Variants in VIT observed in about 807,000 individuals in gnomAD.
The protein encoded by VIT is vitrin.
VIT carries 99 observed loss-of-function variants against 78.0 expected under a neutral mutation model. The observed-to-expected ratio is 1.27, with a 90% confidence interval of 1.08 to 1.50. VIT has a LOEUF of 1.50. VIT is among the 40% of genes most tolerant of loss of function. The pLI, the probability that VIT is intolerant of heterozygous loss-of-function variation, is 0.00. For missense variants in VIT, 1,126 were observed against 875.3 expected (o/e 1.29, Z -3.61); for synonymous variants, 374 against 334.3 (o/e 1.12, Z -1.29).
chr2:36,783,510 C>T, intron 11 of VIT, 108 bp downstream of exon 11: 1 of 1,056,772 alleles, frequency 9.5e-7, no homozygotes, highest in Non-Finnish European at 1.4e-6. Context: ...TACCGTGGAT[C>T]TATTTATCTC....
At chr2:36,750,244 G>A (rs986729791) in intron 4 of VIT, among the ~76,000 whole-genome samples, 8 of 152,196 alleles carry the variant, frequency 5.3e-5, no homozygotes, top group Admixed American at 5.2e-4. Flanking sequence ...CTACGCACAC[G>A]TGTTTGCACA....
At position 36,806,708 on chromosome 2, in the gene VIT, A is replaced by G. The variant is rs140627960; in HGVS notation, c.1389+1044A>G. On this transcript the variant is annotated intron_variant, in intron 14 of 15. Coordinates refer to ENST00000379242, the MANE Select transcript of VIT (RefSeq NM_053276.4). ...ACTACAGGCACACACCACCACGCCC[A>G]GCTAGTTTTTTTATTTTATTTTATT... 4.3e-3 allele frequency among the ~76,000 whole-genome samples: 659 copies of G among 152,074 alleles called. 9 individuals carry two copies. Among genetic ancestry groups the G allele is most frequent in the African/African-American group, 0.015 (639 of 41,486 alleles).
Position 36,783,320 on chromosome 2 carries a change from A to C in VIT, c.848-20A>C. On this transcript the variant is annotated intron_variant, in intron 10 of 15. Transcript: ENST00000379242. The stretch of plus-strand genomic sequence containing the variant: ...CTTCCTTTCCTTGTAAGTCACCAAA[A>C]GTTTTACTGCTCTTTCCAGGACTTG... The C allele has an allele frequency of 9.9e-6, 16 of 1,613,832 alleles. No individual in the cohort carries two copies. Among genetic ancestry groups the C allele is most frequent in the Non-Finnish European group, 1.4e-5 (16 of 1,179,806 alleles).
In VIT at chr2:36,814,351, C is replaced by G. The variant is rs370606511; in HGVS notation, c.2072C>G (p.Pro691Arg). ...QNICTEFNSQ[P>R]RN The stretch of plus-strand genomic sequence containing the variant: ...ATTTGTACAGAGTTCAACTCACAGC[C>G]TCGGAACTGAATTCAGAGCAGGCAG... The change falls in exon 16 of 16, where the codon CCT becomes CGT. Residue 691 changes from proline to arginine, a missense_variant. Pro to Arg is a moderately radical substitution (Grantham distance 103). Transcript: ENST00000379242. 3 of 1,614,032 alleles carry G rather than the reference C, an allele frequency of 1.9e-6. No individual in the cohort carries two copies. The highest frequency in any genetic ancestry group is 1.6e-4 in the Middle Eastern group (1 of 6,084).
In VIT at chr2:36,786,075, G is replaced by C. The variant is rs1665072782; in HGVS notation, c.911-1054G>C. ...GTTGTGTGCAGATTAGAGAGGTGCA[G>C]GTCCGTCTGGCCGCTGCTCCCCACC... On this transcript the variant is annotated intron_variant, in intron 11 of 15. Coordinates refer to ENST00000379242, the MANE Select transcript of VIT (RefSeq NM_053276.4). Among the ~76,000 whole-genome samples the C allele has an allele frequency of 2.6e-5, 4 of 152,296 alleles. No individual in the cohort carries two copies. The South Asian group carries it at 6.2e-4, about 24-fold the overall frequency.
At chr2:36,802,093 G>C (rs990559073) in intron 13 of VIT, among the ~76,000 whole-genome samples, 1 of 152,212 alleles carries the variant, frequency 6.6e-6, no homozygotes, top group Non-Finnish European at 1.5e-5. Flanking sequence ...CATGTTCTCT[G>C]TTTCAAGCTA....
intron 15 of VIT, 79 bp downstream of exon 15, chr2:36,809,064 T>C: frequency 6.7e-7 from 1 of 1,495,318 alleles, no homozygotes; most frequent in Non-Finnish European, 8.9e-7. Flanking sequence ...AGGAAGGTAT[T>C]GTCTTTTTAT....
chr2:36,765,521 C>T (rs760130375), intron 6 of VIT, among the ~76,000 whole-genome samples: 12 of 151,546 alleles, frequency 7.9e-5, no homozygotes, highest in Non-Finnish European at 1.5e-4. Flanking sequence ...TGAGGGACAC[C>T]GCCCCCATGA....
intron 3 of VIT, among the ~76,000 whole-genome samples, chr2:36,739,116 G>C (rs1291582810): frequency 2.0e-5 from 3 of 151,942 alleles, no homozygotes; most frequent in Non-Finnish European, 4.4e-5. Context: ...ACAAAATTAA[G>C]TTTAATATTA....
intron 4 of VIT, among the ~76,000 whole-genome samples, chr2:36,750,448 G>T (rs576468193): frequency 2.6e-5 from 4 of 152,250 alleles, no homozygotes; most frequent in African/African-American, 9.6e-5. Flanking sequence ...GGCACTTGCT[G>T]GGTCTCTCTT....
rs766419529 is a variant in VIT at position 36,801,300 on chromosome 2, G to C, written c.1059-1G>C. 1.2e-6 allele frequency: 2 copies of C among 1,613,474 alleles called. No homozygotes were observed. The highest frequency in any genetic ancestry group is 1.3e-5 in the African/African-American group (1 of 74,880). On this transcript the variant is annotated splice_acceptor_variant, in intron 12 of 15. Transcript: ENST00000379242. LOFTEE classifies it high-confidence loss of function. ...TTGTATTTCTTGTTCTGACTCTTCA[G>C]AGACAACCCTGCTACTCACTTTAAC... is the stretch of plus-strand genomic sequence containing the variant.
At chr2:36,798,984 T>C (rs1666115878) in intron 12 of VIT, among the ~76,000 whole-genome samples, 1 of 152,194 alleles carries the variant, frequency 6.6e-6, no homozygotes, top group Admixed American at 6.5e-5. Context: ...GCTGTGTTGT[T>C]GTTTGTTTCT....
At chr2:36,811,654 TTTTTTTTCTTTC>T (rs1667178966) in intron 15 of VIT, among the ~76,000 whole-genome samples, 1 of 151,788 alleles carries the variant, frequency 6.6e-6, no homozygotes, top group African/African-American at 2.4e-5. Context: ...ATTTATTTTC[TTTTTTTTCTTTC>T]TTTCTTTTTT....
At position 36,771,218 on chromosome 2, in the gene VIT, T is replaced by TAA. The variant is rs35742156; in HGVS notation, c.680-2567_680-2566dup. ...CAGCAGAAGAACTACAAATGGCCAA[T>TAA]AAAAAAATTGTTATAAAAATGTTCG... On this transcript the variant is annotated intron_variant, in intron 7 of 15. Coordinates refer to ENST00000379242, the MANE Select transcript of VIT (RefSeq NM_053276.4). Among the ~76,000 whole-genome samples the TAA allele has an allele frequency of 6.8e-3, 1,039 of 152,092 alleles. 10 individuals are homozygous for TAA. Among genetic ancestry groups the TAA allele is most frequent in the African/African-American group, 0.024 (985 of 41,448 alleles).
At chr2:36,796,476 T>C (rs185957943) in intron 12 of VIT, among the ~76,000 whole-genome samples, 1 of 152,274 alleles carries the variant, frequency 6.6e-6, no homozygotes, top group Admixed American at 6.5e-5. Flanking sequence ...AAGACTCAGC[T>C]GTGTATGTGG....
intron 1 of VIT, among the ~76,000 whole-genome samples, chr2:36,699,598 A>G (rs558692770): frequency 8.0e-4 from 115 of 143,394 alleles, no homozygotes; most frequent in African/African-American, 2.9e-3. Context: ...AGATATAGAT[A>G]TAGATATAGA....
chr2:36,743,290 G>C, intron 4 of VIT, 34 bp downstream of exon 4: 1 of 1,537,106 alleles, frequency 6.5e-7, no homozygotes, highest in South Asian at 1.3e-5. Flanking sequence ...TAACTAACTA[G>C]AAATCAGGGT....
At chr2:36,736,686 A>G (rs181142567) in intron 3 of VIT, among the ~76,000 whole-genome samples, 2 of 152,334 alleles carry the variant, frequency 1.3e-5, no homozygotes, top group East Asian at 3.9e-4. Context: ...AAGATGAAAC[A>G]AAAGTATGTA....
intron 4 of VIT, among the ~76,000 whole-genome samples, chr2:36,753,032 A>G (rs997456966): frequency 6.6e-6 from 1 of 152,280 alleles, no homozygotes; most frequent in South Asian, 2.1e-4. Flanking sequence ...CAGCCATAAA[A>G]GGAATGAGAT....
Sources: allele counts gnomAD v4.1 joint callset (sites outside exome capture counted in the v4.1 genomes callset), GRCh38; gene constraint gnomAD v4.1.1; transcripts MANE v1.5; gene names NCBI Gene and HGNC (gene_info 2026-07-23, HGNC 2026-07-21).